The following RIF1 variants were observed in gnomAD, a reference collection of about 807,000 sequenced individuals.
The protein encoded by RIF1 is replication timing regulatory factor 1, also known as telomere-associated protein RIF1.
Under a neutral mutation model 247.1 loss-of-function variants are expected in RIF1, and 45 were observed. The ratio of observed to expected loss-of-function variants is 0.18; its 90% confidence interval spans 0.14 to 0.23. The LOEUF (loss-of-function observed/expected upper bound fraction) is 0.23. RIF1 is among the 10% of genes least tolerant of loss of function. The pLI is 1.00. For missense variants in RIF1, 2,967 were observed against 2,862.5 expected (o/e 1.04, Z -0.83); for synonymous variants, 1,087 against 978.8 (o/e 1.11, Z -2.06).
intron 19 of RIF1, among the ~76,000 whole-genome samples, chr2:151,446,128 T>G (rs1269798495): frequency 6.6e-6 from 1 of 152,104 alleles, no homozygotes. Flanking sequence ...TACCTCAGCC[T>G]CCCGAGTAGC....
intron 18 of RIF1, among the ~76,000 whole-genome samples, chr2:151,445,121 T>A (rs373247172): frequency 9.5e-4 from 144 of 152,340 alleles, no homozygotes; most frequent in African/African-American, 3.3e-3. Flanking sequence ...GGATTGGGGC[T>A]GACCCTAATC....
At chr2:151,514,694 A>T in the RIF1 span, 1 of 722,338 alleles carries the variant, frequency 1.4e-6, no homozygotes, top group Admixed American at 2.8e-5. Flanking sequence ...TACCAAGCAC[A>T]TGAGAACCCA....
chr2:151,411,319 G>A lies in RIF1; in HGVS notation c.164G>A (p.Arg55Gln). The A allele has an allele frequency of 1.9e-6, 3 of 1,595,878 alleles. No homozygotes were observed. The highest frequency in any genetic ancestry group is 2.6e-6 in the Non-Finnish European group (3 of 1,166,874). ...VITEIEKKLP[R>Q]LYKVLKTHIS... Reference sequence around the variant, plus strand: ...ACAGAAATTGAGAAAAAACTTCCTCGGCTGTACAAAGTTTTAAAGGTATGT... The same window carrying A: ...ACAGAAATTGAGAAAAAACTTCCTCAGCTGTACAAAGTTTTAAAGGTATGT... Residue 55 changes from arginine to glutamine, a missense_variant, in exon 3 of 36, where the codon CGG becomes CAG. Coordinates refer to ENST00000444746, the MANE Select transcript of RIF1 (RefSeq NM_018151.5).
chr2:151,428,089 C>T (rs983428642), intron 8 of RIF1, among the ~76,000 whole-genome samples: 1 of 151,936 alleles, frequency 6.6e-6, no homozygotes, highest in Middle Eastern at 3.4e-3. Flanking sequence ...ATTAGCTGGG[C>T]GTGGTAGTAT....
In RIF1 at chr2:151,442,767, A is replaced by ATTTT. The variant is rs59128582; in HGVS notation, c.1735-471_1735-468dup. ...CTATGATTAGACTATAAAGAGCTTG[A>ATTTT]TTTTTTTTTTTTTTTTTTTTTTTTG... On this transcript the variant is annotated intron_variant, in intron 16 of 35. Coordinates refer to ENST00000444746, the MANE Select transcript of RIF1 (RefSeq NM_018151.5). Among the ~76,000 whole-genome samples, 57 of 104,046 alleles carry ATTTT rather than the reference A, an allele frequency of 5.5e-4. 2 individuals are homozygous for ATTTT. Among genetic ancestry groups the ATTTT allele is most frequent in the East Asian group, 5.0e-3 (16 of 3,232 alleles). The allele number at this position is 104,046 out of a possible 152,430, so 68.3% of individuals were successfully genotyped here.
intron 11 of RIF1, 83 bp from the exon 12 acceptor site, chr2:151,436,744 T>A (rs1691292438): frequency 3.0e-6 from 3 of 997,278 alleles, no homozygotes; most frequent in South Asian, 1.9e-5. Flanking sequence ...TTTAAAAGTT[T>A]CATTGAAATG....
At chr2:151,533,306 G>A in the RIF1 span, 4 of 620,958 alleles carry the variant, frequency 6.4e-6, no homozygotes, top group East Asian at 1.1e-4. Context: ...CATTTACAAG[G>A]AATGAATATT....
At chr2:151,512,615 A>G (rs989283514), downstream of RIF1, 1 of 804,026 alleles carries the variant, frequency 1.2e-6, no homozygotes, top group African/African-American at 1.7e-5. Context: ...CACCTGGTGA[A>G]TCTCTTTTTT....
rs949476809 is a variant in RIF1, at chr2:151,475,221, T to G, written c.*150T>G. 6.4e-6 allele frequency: 4 copies of G among 623,610 alleles called. No individual in the cohort carries two copies. The highest frequency in any genetic ancestry group is 1.1e-5 in the Non-Finnish European group (4 of 359,202). 38.6% of individuals were successfully genotyped at this position (623,610 alleles called of 1,614,324 possible). On this transcript the variant is annotated 3_prime_UTR_variant, in exon 36 of 36. Transcript: ENST00000444746. ...CCCTGAAGGACAGTGACTTATTATG[T>G]AAGTTCAATTTTGTAAGTTCATTAT...
chr2:151,411,347 CTG>C lies in RIF1; in HGVS notation c.183+11_183+12del. On this transcript the variant is annotated intron_variant, in intron 3 of 35. Transcript: ENST00000444746. ...TGTACAAAGTTTTAAAGGTATGTAT[CTG>C]TTTGTTAAACAGTTTTTCACTTTTG... 1 of 1,501,680 alleles carries C rather than the reference CTG, an allele frequency of 6.7e-7. No individual in the cohort carries two copies. Among genetic ancestry groups the C allele is most frequent in the Non-Finnish European group, 9.1e-7 (1 of 1,099,992 alleles). 93.0% of individuals were successfully genotyped at this position (1,501,680 alleles called of 1,614,324 possible).
chr2:151,422,156 T>C (rs1180855913), intron 7 of RIF1, among the ~76,000 whole-genome samples: 2 of 152,166 alleles, frequency 1.3e-5, no homozygotes, highest in Non-Finnish European at 2.9e-5. Context: ...AACCCATTTA[T>C]CAAGCTTGCA....
chr2:151,411,450 G>C, intron 3 of RIF1, 112 bp downstream of exon 3: 1 of 649,548 alleles, frequency 1.5e-6, no homozygotes, highest in Non-Finnish European at 2.7e-6. Context: ...AGGCGAGAGT[G>C]CAATGGCTCA....
At chr2:151,426,183 T>TTTTTTTTTTG (rs1202084785) in intron 8 of RIF1, among the ~76,000 whole-genome samples, 1 of 130,686 alleles carries the variant, frequency 7.7e-6, no homozygotes, top group African/African-American at 2.9e-5. Context: ...TTTTTTTTTT[T>TTTTTTTTTTG]TTTTTTTTTG....
Position 151,491,726 on chromosome 2 carries a change from T to C in RIF1, c.*416-3503T>C, listed in dbSNP as rs763433145. 3.4e-5 allele frequency: 55 copies of C among 1,598,708 alleles called. 1 individual carries two copies. In the East Asian group the frequency reaches 1.2e-3, roughly 34 times the overall value. On this transcript the variant is annotated intron_variant and NMD_transcript_variant, in intron 9 of 13. Coordinates refer to the RIF1 transcript ENST00000454583. Reference sequence around the variant, plus strand: ...TTCGGGACTGGATGTTGTCTTCTGCTGGATCATAGTCAAAAACCGAACCAG... The same window carrying C: ...TTCGGGACTGGATGTTGTCTTCTGCCGGATCATAGTCAAAAACCGAACCAG...
rs371755115 is a variant in RIF1 at position 151,481,904 on chromosome 2, T to C, written c.*6833T>C. 10 of 152,382 alleles carry C rather than the reference T, an allele frequency of 6.6e-5. No homozygotes were observed. In the East Asian group the frequency reaches 1.9e-3, roughly 29 times the overall value. 9.4% of individuals were successfully genotyped at this position (152,382 alleles called of 1,614,324 possible). ...AACCATCTACCCCAACACCTGTGTCTGTGGAAATTGTCTCCACGAAACCGG... is the reference window on the plus strand; with the variant it reads ...AACCATCTACCCCAACACCTGTGTCCGTGGAAATTGTCTCCACGAAACCGG... On this transcript the variant is annotated 3_prime_UTR_variant, in exon 36 of 36. Coordinates refer to ENST00000444746, the MANE Select transcript of RIF1 (RefSeq NM_018151.5).
At chr2:151,433,361 T>C (rs1196493779) in intron 10 of RIF1, 133 bp downstream of exon 10, 22 of 530,180 alleles carry the variant, frequency 4.1e-5, no homozygotes, top group Non-Finnish European at 6.5e-5. Context: ...TCTTTCACTT[T>C]ACTGGCAGAG....
chr2:151,485,897 C>T, downstream of RIF1: 4 of 1,613,938 alleles, frequency 2.5e-6, no homozygotes, highest in Non-Finnish European at 2.5e-6. Context: ...TCATCTGCAT[C>T]AGCAGCCATA....
rs1232214633 is a variant in RIF1, at chr2:151,451,625, G to A, written c.2264G>A (p.Arg755Lys). The A allele has an allele frequency of 2.1e-6, 3 of 1,449,570 alleles. No individual in the cohort carries two copies. The African/African-American group carries it at 4.2e-5, about 20-fold the overall frequency. 89.8% of individuals were successfully genotyped at this position (1,449,570 alleles called of 1,614,324 possible). A position where few individuals can be genotyped will look rare whatever the true frequency, so the allele number is the denominator to read the frequency against. Residue 755 changes from arginine (R) to lysine (K), a missense_variant, in exon 21 of 36, where the codon AGA becomes AAA. Transcript: ENST00000444746. Reference protein sequence around the residue: ...EGFSNLLFVDRIIYIITVMVD... With the variant: ...EGFSNLLFVDKIIYIITVMVD... ...CCCTAGAATTTGTTGTTCGTGGATA[G>A]AATTATTTATATTATTACTGTAATG...
intron 20 of RIF1, among the ~76,000 whole-genome samples, chr2:151,448,658 G>A (rs530726952): frequency 3.9e-5 from 6 of 152,022 alleles, no homozygotes; most frequent in Non-Finnish European, 5.9e-5. Flanking sequence ...TTACCTAATC[G>A]CGCTTGTTTA....
Sources: gnomAD v4.1 joint callset for allele counts (sites outside exome capture counted in the v4.1 genomes callset) on GRCh38, gnomAD v4.1.1 for gene constraint, MANE v1.5 for transcripts, NCBI Gene and HGNC (gene_info 2026-07-23, HGNC 2026-07-21) for gene names.